The following PBRM1 variants were observed in gnomAD, a reference collection of about 807,000 sequenced individuals.
PBRM1 encodes the protein polybromo 1.
Under a neutral mutation model 194.5 loss-of-function variants are expected in PBRM1, and 27 were observed. The observed-to-expected ratio is 0.14, with a 90% CI of 0.10 to 0.19. The LOEUF is 0.19. Among genes scored for constraint, PBRM1 ranks in the 10% least tolerant of loss-of-function variants. The pLI is 1.00. For missense variants in PBRM1, 1,466 were observed against 2,077.2 expected, an observed-to-expected ratio of 0.71 and a Z score of 5.72; for synonymous variants, 655 against 693.2, an observed-to-expected ratio of 0.94 and a Z score of 0.87.
chr3:52,622,067 T>C (rs1200892796), intron 13 of PBRM1, among the ~76,000 whole-genome samples: 2 of 147,762 alleles, frequency 1.4e-5, no homozygotes, highest in African/African-American at 2.5e-5. Context: ...AGGCCAAGCA[T>C]GGTGGCTCAC....
At position 52,589,850 on chromosome 3, in the gene PBRM1, C is replaced by T. The variant is rs541642311; in HGVS notation, c.2780-595G>A. On this transcript the variant is annotated intron_variant, in intron 17 of 29. Coordinates refer to ENST00000296302, the Ensembl canonical transcript of PBRM1. ...TTTTATTTATTTATTTTTTTCGAGA[C>T]GGAGTTTCGCTCTTGTTGCCCAGGC... is the stretch of plus-strand genomic sequence containing the variant. Among the ~76,000 whole-genome samples, 34 of 151,868 alleles carry T rather than the reference C, an allele frequency of 2.2e-4. No homozygotes were observed. In the East Asian group the frequency reaches 5.1e-3, roughly 23 times the overall value.
At chr3:52,668,712 T>C in intron 2 of PBRM1, 67 bp from the exon 4 acceptor site, 1 of 889,964 alleles carries the variant, frequency 1.1e-6, no homozygotes, top group Non-Finnish European at 1.6e-6. Flanking sequence ...ATTTCAAAAC[T>C]ATTTATGGTA....
At chr3:52,586,748 C>CAAAAAA (rs35352950) in intron 19 of PBRM1, 60 bp from the exon 22 acceptor site, 119 of 183,736 alleles carry the variant, frequency 6.5e-4, no homozygotes, top group Non-Finnish European at 6.2e-4. Context: ...GAAAATCAAT[C>CAAAAAA]AAAAAAAAAA....
chr3:52,628,732 A>C (rs1410294153), intron 12 of PBRM1, among the ~76,000 whole-genome samples, 162 bp downstream of exon 13: 1 of 152,088 alleles, frequency 6.6e-6, no homozygotes, highest in Non-Finnish European at 1.5e-5. Context: ...TTGACCTCCC[A>C]AAGTGCTGGG....
chr3:52,546,511 C>T (rs533094137), downstream of PBRM1: 15 of 229,806 alleles, frequency 6.5e-5, no homozygotes, highest in Non-Finnish European at 1.1e-4. Flanking sequence ...TTCCATTCTA[C>T]ACTCTTTTGC....
chr3:52,674,065 T>G (rs2097022678), intron 2 of PBRM1, among the ~76,000 whole-genome samples: 1 of 150,816 alleles, frequency 6.6e-6, no homozygotes, highest in Non-Finnish European at 1.5e-5. Context: ...AAAAAATATA[T>G]ATATAGATAT....
At chr3:52,596,092 C>G (rs1017588651) in intron 17 of PBRM1, among the ~76,000 whole-genome samples, 1 of 152,088 alleles carries the variant, frequency 6.6e-6, no homozygotes, top group Non-Finnish European at 1.5e-5. Context: ...CTCCAGTTTT[C>G]TTTTGGCTCA....
chr3:52,642,630 CA>C (rs2096140551), intron 9 of PBRM1, among the ~76,000 whole-genome samples: 1 of 142,272 alleles, frequency 7.0e-6, no homozygotes, highest in African/African-American at 2.5e-5. Flanking sequence ...AAAAAAAAAC[CA>C]AAAACCAAAC....
chr3:52,581,869 C>T (rs1457259305), intron 20 of PBRM1, among the ~76,000 whole-genome samples: 1 of 152,110 alleles, frequency 6.6e-6, no homozygotes, highest in African/African-American at 2.4e-5. Flanking sequence ...ATCTCCTGAC[C>T]TTGTGATCTG....
intron 15 of PBRM1, among the ~76,000 whole-genome samples, chr3:52,610,909 A>G (rs2094573104): frequency 6.6e-6 from 1 of 152,216 alleles, no homozygotes; most frequent in African/African-American, 2.4e-5. Context: ...ATTACACTCT[A>G]GCCTGGGCGA....
intron 26 of PBRM1, among the ~76,000 whole-genome samples, chr3:52,556,552 T>C (rs80332599): frequency 0.013 from 1,999 of 152,330 alleles, 18 homozygotes; most frequent in South Asian, 0.036. Flanking sequence ...GAGGAAATTA[T>C]TAAGAACTGA....
intron 2 of PBRM1, among the ~76,000 whole-genome samples, chr3:52,674,496 AAG>A (rs34774607): frequency 1.5e-4 from 21 of 138,168 alleles, no homozygotes; most frequent in Non-Finnish European, 2.6e-4. Context: ...AAAAAAAAAA[AAG>A]AGAGAGAGAG....
rs1332545639 is a variant in PBRM1, at chr3:52,570,831, G to T, written c.3691+5710C>A. Among the ~76,000 whole-genome samples the T allele has an allele frequency of 3.3e-5, 5 of 150,122 alleles. No individual in the cohort carries two copies. In the East Asian group the frequency reaches 9.7e-4, roughly 29 times the overall value. ...ATTTCTCAATAATTTTCTTATAGTT[G>T]TGTGTGTGTGCGCACATGTGTGCAC... is the stretch of plus-strand genomic sequence containing the variant. On this transcript the variant is annotated intron_variant, in intron 22 of 29. Coordinates refer to ENST00000296302, the Ensembl canonical transcript of PBRM1.
intron 5 of PBRM1, among the ~76,000 whole-genome samples, chr3:52,654,463 T>C (rs994313111): frequency 1.3e-5 from 2 of 152,092 alleles, no homozygotes; most frequent in African/African-American, 2.4e-5. Context: ...TCCCAATCTA[T>C]CTCTCCCATG....
chr3:52,578,960 A>C, intron 21 of PBRM1, 94 bp downstream of exon 23: 2 of 1,157,570 alleles, frequency 1.7e-6, no homozygotes, highest in Admixed American at 1.7e-5. Context: ...CTGCCAGGGG[A>C]AGGACTTTTG....
chr3:52,554,630 A>G (rs564173256), intron 27 of PBRM1, 94 bp downstream of exon 29: 6 of 1,120,128 alleles, frequency 5.4e-6, no homozygotes, highest in African/African-American at 4.8e-5. Context: ...CCTGGCCACA[A>G]TGGGCCACGG....
chr3:52,586,383 T>G (rs369494224), intron 20 of PBRM1, 42 bp downstream of exon 22: 1 of 1,541,298 alleles, frequency 6.5e-7, no homozygotes, highest in African/African-American at 1.4e-5. Context: ...AATAGGTGTT[T>G]TGAGATGTAA....
At chr3:52,568,611 T>C (rs1045801425) in intron 22 of PBRM1, among the ~76,000 whole-genome samples, 1 of 152,202 alleles carries the variant, frequency 6.6e-6, no homozygotes, top group African/African-American at 2.4e-5. Flanking sequence ...TTATAATTCA[T>C]CTGGAAATCT....
At chr3:52,618,172 G>A (rs768290082) in intron 13 of PBRM1, among the ~76,000 whole-genome samples, 3 of 152,156 alleles carry the variant, frequency 2.0e-5, no homozygotes, top group South Asian at 2.1e-4. Context: ...AAGAATAAGC[G>A]GTGTGGTTAA....
Sources: gnomAD v4.1 joint callset for allele counts (sites outside exome capture counted in the v4.1 genomes callset) on GRCh38, gnomAD v4.1.1 for gene constraint, MANE v1.5 for transcripts, NCBI Gene and HGNC (gene_info 2026-07-23, HGNC 2026-07-21) for gene names.